The following TCIRG1 variants were observed in gnomAD, a reference collection of about 807,000 sequenced individuals.
TCIRG1 encodes V-type proton ATPase 116 kDa subunit a 3.
Under a neutral mutation model 95.5 loss-of-function variants are expected in TCIRG1, and 86 were observed. That is an observed-to-expected ratio of 0.90 (90% CI 0.76 to 1.08). The LOEUF is 1.08. Among genes scored for constraint, TCIRG1 ranks in the 50% least tolerant of loss-of-function variants. The pLI, the probability that TCIRG1 is intolerant of heterozygous loss-of-function variation, is 0.00. For synonymous variants in TCIRG1, 499 were observed against 501.3 expected (o/e 1.00, Z 0.06); for missense variants, 1,069 against 1,140.2 (o/e 0.94, Z 0.90).
chr11:68,047,144 G>T (rs1049117127), intron 10 of TCIRG1: 2 of 432,634 alleles, frequency 4.6e-6, no homozygotes, highest in Admixed American at 3.5e-5. Context: ...CTGAGTAGCT[G>T]GGATTACAGG....
chr11:68,048,980 C>G lies in TCIRG1; in HGVS notation c.1656C>G (p.Leu552=). The G allele has an allele frequency of 6.2e-7, 1 of 1,613,684 alleles. No homozygotes were observed. The highest frequency in any genetic ancestry group is 1.1e-5 in the South Asian group (1 of 91,086). ...GVVHMAFGVV[L]GVFNHVHFGQ... ...TGCACATGGCCTTTGGGGTGGTCCT[C>G]GGAGTCTTCAACCACGTGTGAGGGC... The change falls in exon 14 of 20, where the codon CTC becomes CTG. Residue 552 remains leucine (L), a synonymous_variant. Transcript: ENST00000265686.
chr11:68,042,154 C>G (rs1420369251), intron 3 of TCIRG1, among the ~76,000 whole-genome samples: 2 of 151,988 alleles, frequency 1.3e-5, no homozygotes, highest in Non-Finnish European at 2.9e-5. Flanking sequence ...AGACAGCTTT[C>G]TCCTCTACAG....
At chr11:68,048,731 CTGT>C (rs1477946543) in intron 13 of TCIRG1, 145 bp from the exon 14 acceptor site, 30 of 755,722 alleles carry the variant, frequency 4.0e-5, no homozygotes, top group Non-Finnish European at 6.4e-5. Flanking sequence ...CATCTGCGCT[CTGT>C]TGCCCCTCGG....
In TCIRG1 at chr11:68,044,759, A is replaced by G. The variant is rs143972555; in HGVS notation, c.1021-199A>G. ...GGAGGCAGCATGCTTGCCTTTCCCAAGCAATTGCCAATCCATGTGGTGTCT... is the reference window on the plus strand; with the variant it reads ...GGAGGCAGCATGCTTGCCTTTCCCAGGCAATTGCCAATCCATGTGGTGTCT... On this transcript the variant is annotated intron_variant, in intron 9 of 19. Coordinates refer to ENST00000265686, the MANE Select transcript of TCIRG1 (RefSeq NM_006019.4). 2.2e-5 allele frequency: 15 copies of G among 680,572 alleles called. No homozygotes were observed. In the African/African-American group the frequency reaches 2.7e-4, roughly 12 times the overall value. The allele number at this position is 680,572 out of a possible 1,614,324, so 42.2% of individuals were successfully genotyped here.
chr11:68,052,922 A>T (rs1009458791), downstream of TCIRG1: 1 of 152,532 alleles, frequency 6.6e-6, no homozygotes, highest in Non-Finnish European at 1.5e-5. Flanking sequence ...TATGCACAAA[A>T]AACAATTCAA....
At chr11:68,042,589 CT>C (rs1381851651) in intron 3 of TCIRG1, 53 bp from the exon 4 acceptor site, 7 of 1,445,678 alleles carry the variant, frequency 4.8e-6, no homozygotes, top group Non-Finnish European at 5.7e-6. Flanking sequence ...AGGTGGGGCC[CT>C]CAACTGTTGA....
rs2134462513 is a variant in TCIRG1, at chr11:68,049,662, G to T, written c.1888-1G>T. On this transcript the variant is annotated splice_acceptor_variant, in intron 15 of 19. Coordinates refer to ENST00000265686, the MANE Select transcript of TCIRG1 (RefSeq NM_006019.4). LOFTEE classifies it high-confidence loss of function. ...CCTGACTCTCGCCCTCTCCCTGGCAGGAGGTGGTCCAGGCCACGCTGGTGG... is the reference window on the plus strand; with the variant it reads ...CCTGACTCTCGCCCTCTCCCTGGCATGAGGTGGTCCAGGCCACGCTGGTGG... 6.2e-7 allele frequency: 1 copy of T among 1,600,478 alleles called. No homozygotes were observed. Among genetic ancestry groups the T allele is most frequent in the Non-Finnish European group, 8.5e-7 (1 of 1,179,124 alleles).
At position 68,049,784 on chromosome 11, in the gene TCIRG1, G is replaced by A. The variant is rs753385752; in HGVS notation, c.2009G>A (p.Arg670Gln). The A allele has an allele frequency of 7.6e-6, 12 of 1,569,340 alleles. No individual in the cohort carries two copies. Among genetic ancestry groups the A allele is most frequent in the East Asian group, 4.6e-5 (2 of 43,754 alleles). ...CGCCTGCGGAGGAGGCCCGCTGACC[G>A]ACAGGTGGGACCGGGGCCTAAGGTG... ...RRRLRRRPAD[R>Q]QEENKAGLLD... is the part of the protein sequence containing the mutation. Residue 670 changes from arginine (R) to glutamine (Q), a missense_variant, in exon 16 of 20, where the codon CGA (arginine) becomes CAA (glutamine). Transcript: ENST00000265686.
At position 68,047,548 on chromosome 11, in the gene TCIRG1, G is replaced by A. The variant is rs199708935; in HGVS notation, c.1281G>A (p.Pro427=). The part of the protein sequence containing the change: ...ALAMVLAENR[P]AVKAAQNEIW... ...CCATGGTCCTTGCGGAGAACCGACC[G>A]GCTGTGAAGGCCGCGCAGAACGAGG... The change falls in exon 11 of 20, where the codon CCG becomes CCA. Residue 427 remains proline, a synonymous_variant. Transcript: ENST00000265686. The A allele has an allele frequency of 1.1e-5, 18 of 1,613,886 alleles. No homozygotes were observed. Among genetic ancestry groups the A allele is most frequent in the African/African-American group, 5.3e-5 (4 of 75,044 alleles).
Position 68,043,928 on chromosome 11 carries a change from G to A in TCIRG1, c.807+21G>A, listed in dbSNP as rs775770521. The A allele has an allele frequency of 2.5e-5, 38 of 1,526,922 alleles. 1 individual carries two copies. Among genetic ancestry groups the A allele is most frequent in the South Asian group, 9.6e-5 (8 of 83,734 alleles). 94.6% of individuals were successfully genotyped at this position (1,526,922 alleles called of 1,614,324 possible). A position where few individuals can be genotyped will look rare whatever the true frequency, so the allele number is the denominator to read the frequency against. On this transcript the variant is annotated intron_variant, in intron 8 of 19. Transcript: ENST00000265686. Reference sequence around the variant, plus strand: ...AGGAGGTGGGTGCCCCCGGCCTTCCGGAGGCGGGTGTAGGAGGTGGGTGCC... The same window carrying A: ...AGGAGGTGGGTGCCCCCGGCCTTCCAGAGGCGGGTGTAGGAGGTGGGTGCC...
chr11:68,050,421 G>A, intron 18 of TCIRG1, 66 bp from the exon 19 acceptor site: 1 of 1,610,724 alleles, frequency 6.2e-7, no homozygotes, highest in Non-Finnish European at 8.5e-7. Flanking sequence ...TCAGGCTGCG[G>A]CAGGTAGGTA....
At position 68,039,094 on chromosome 11, in the gene TCIRG1, G is replaced by A. The variant is rs1369954168; in HGVS notation, c.-30G>A. 2.0e-5 allele frequency: 3 copies of A among 152,142 alleles called. No individual in the cohort carries two copies. In the South Asian group the frequency reaches 6.2e-4, roughly 32 times the overall value. 9.4% of individuals were successfully genotyped at this position (152,142 alleles called of 1,614,324 possible). ...GCGCGGAGCGGGGCAGCCAGCAGCGGAGGCGCGGCGCGCAGCACACCCGGG... is the reference window on the plus strand; with the variant it reads ...GCGCGGAGCGGGGCAGCCAGCAGCGAAGGCGCGGCGCGCAGCACACCCGGG... On this transcript the variant is annotated 5_prime_UTR_variant, in exon 1 of 20. Transcript: ENST00000265686.
chr11:68,047,744 C>T lies in TCIRG1; in HGVS notation c.1403C>T (p.Ala468Val). 1.9e-6 allele frequency: 3 copies of T among 1,613,344 alleles called. No homozygotes were observed. The highest frequency in any genetic ancestry group is 2.2e-5 in the South Asian group (2 of 91,090). The change falls in exon 12 of 20, where the codon GCC becomes GTC. Residue 468 changes from alanine (A) to valine (V), a missense_variant. Transcript: ENST00000265686. Reference sequence around the variant, plus strand: ...ATCTACAACGAGTGCTTCAGTCGCGCCACCAGCATCTTCCCCTCGGGCTGG... The same window carrying T: ...ATCTACAACGAGTGCTTCAGTCGCGTCACCAGCATCTTCCCCTCGGGCTGG... ...GFIYNECFSRATSIFPSGWSV... is the reference protein window; with the variant it reads ...GFIYNECFSRVTSIFPSGWSV...
rs1004096294 is a variant in TCIRG1, at chr11:68,044,013, G to T, written c.807+106G>T. The T allele has an allele frequency of 4.6e-6, 6 of 1,291,884 alleles. No homozygotes were observed. The African/African-American group carries it at 8.9e-5, about 19-fold the overall frequency. The allele number at this position is 1,291,884 out of a possible 1,614,324, so 80.0% of individuals were successfully genotyped here. ...GCCCTGGCCTGGCCTCCAGGAGGTG[G>T]GTGCAGGAGGTGGGTGCCCTGGCCT... On this transcript the variant is annotated intron_variant, in intron 8 of 19. Transcript: ENST00000265686.
chr11:68,048,586 G>A (rs1181342267), intron 13 of TCIRG1, among the ~76,000 whole-genome samples: 4 of 152,174 alleles, frequency 2.6e-5, no homozygotes, highest in South Asian at 2.1e-4. Flanking sequence ...GAGTCACCGC[G>A]CCCAGCCTGA....
rs746874956 is a variant in TCIRG1 at position 68,049,754 on chromosome 11, G to A, written c.1979G>A (p.Arg660His). ...GTPLHLLHRH[R>H]RRLRRRPADR... ...CCCCTGCACCTGCTGCACCGCCACC[G>A]CCGCCGCCTGCGGAGGAGGCCCGCT... Residue 660 changes from arginine to histidine, a missense_variant, in exon 16 of 20, where the codon CGC becomes CAC. Physicochemically the swap from Arg to His is conservative, Grantham distance 29. Transcript: ENST00000265686. 20 of 1,576,088 alleles carry A rather than the reference G, an allele frequency of 1.3e-5. No individual in the cohort carries two copies. The highest frequency in any genetic ancestry group is 9.1e-5 in the East Asian group (4 of 43,766).
chr11:68,044,286 A>G lies in TCIRG1; in HGVS notation c.962A>G (p.Glu321Gly). Residue 321 changes from glutamate (E) to glycine (G), a missense_variant, in exon 9 of 20, where the codon GAG (glutamate) becomes GGG (glycine). By Grantham distance (98) the Glu-to-Gly change is moderately conservative. Coordinates refer to ENST00000265686, the MANE Select transcript of TCIRG1 (RefSeq NM_006019.4). ...VSTTHKCLIAEAWCSVRDLPA... is the reference protein window; with the variant it reads ...VSTTHKCLIAGAWCSVRDLPA... ...ACCACGCACAAGTGCCTCATTGCCG[A>G]GGCCTGGTGCTCTGTGCGAGACCTG... 1 of 1,605,454 alleles carries G rather than the reference A, an allele frequency of 6.2e-7. No individual in the cohort carries two copies. Among genetic ancestry groups the G allele is most frequent in the Non-Finnish European group, 8.5e-7 (1 of 1,177,656 alleles).
At chr11:68,040,943 G>A (rs1196965220) in intron 1 of TCIRG1, among the ~76,000 whole-genome samples, 1 of 152,200 alleles carries the variant, frequency 6.6e-6, no homozygotes, top group Non-Finnish European at 1.5e-5. Flanking sequence ...CCCGAGAGGA[G>A]GGAGGCCAGA....
intron 11 of TCIRG1, 35 bp from the exon 12 acceptor site, chr11:68,047,612 C>T (rs757261447): frequency 1.9e-6 from 3 of 1,613,020 alleles, no homozygotes; most frequent in Admixed American, 1.7e-5. Context: ...GGTAGCAGGG[C>T]CAGGCAGCCC....
Sources: allele counts gnomAD v4.1 joint callset (sites outside exome capture counted in the v4.1 genomes callset), GRCh38; gene constraint gnomAD v4.1.1; transcripts MANE v1.5; gene names NCBI Gene and HGNC (gene_info 2026-07-23, HGNC 2026-07-21).